PTPRD: variants seen among roughly 807,000 people sequenced by gnomAD.
PTPRD encodes the protein protein tyrosine phosphatase receptor type D.
A neutral mutation model predicts 214.5 loss-of-function variants in PTPRD; 34 were observed. That is an observed-to-expected ratio of 0.16 (90% CI 0.12 to 0.21). PTPRD has a LOEUF of 0.21. Ranked by LOEUF, PTPRD falls within the 10% of genes least tolerant of loss-of-function variation. PTPRD has a pLI of 1.00. For missense variants in PTPRD, 2,545 were observed against 2,398.7 expected (o/e 1.06, Z -1.27); for synonymous variants, 1,128 against 845.7 (o/e 1.33, Z -5.79).
Position 8,341,174 on chromosome 9 carries a change from T to C in PTPRD, c.5042A>G (p.Tyr1681Cys). The change falls in exon 41 of 46, where the codon TAT becomes TGT. Residue 1681 changes from tyrosine (Y) to cysteine (C), a missense_variant. By Grantham distance (194) the Tyr-to-Cys change is radical. Transcript: ENST00000381196. ...CTGCAGGCATACCCTTGTGGATTCA[T>C]ATGGCATAATATTAACAAGGCGATT... ...FKNRLVNIMP[Y>C]ESTRVCLQPI... 1 of 1,613,222 alleles carries C rather than the reference T, an allele frequency of 6.2e-7. No individual in the cohort carries two copies. The highest frequency in any genetic ancestry group is 8.5e-7 in the Non-Finnish European group (1 of 1,179,498).
At chr9:9,302,525 C>G (rs939072787) in intron 9 of PTPRD, among the ~76,000 whole-genome samples, 2 of 151,434 alleles carry the variant, frequency 1.3e-5, no homozygotes, top group South Asian at 4.1e-4. Flanking sequence ...TTCCATGTTC[C>G]GCCTTCCCCA....
chr9:10,321,111 G>A (rs144206242), intron 3 of PTPRD, among the ~76,000 whole-genome samples: 10 of 152,070 alleles, frequency 6.6e-5, no homozygotes, highest in African/African-American at 2.4e-4. Context: ...TTCTCATGCA[G>A]CTTTAGTAAT....
At position 9,696,304 on chromosome 9, in the gene PTPRD, ATTAG is replaced by A. The variant is rs563492794; in HGVS notation, c.-287+38225_-287+38228del. 3.1e-3 allele frequency among the ~76,000 whole-genome samples: 471 copies of A among 152,292 alleles called. 4 individuals are homozygous for A. Among genetic ancestry groups the A allele is most frequent in the Non-Finnish European group, 3.7e-3 (255 of 68,006 alleles). On this transcript the variant is annotated intron_variant, in intron 7 of 45. Coordinates refer to ENST00000381196, the MANE Select transcript of PTPRD (RefSeq NM_002839.4). ...CAATTGGATGAAATGTTCTACAAAT[ATTAG>A]TTAGGCCCATTTGGTCTAGTGTTTA...
chr9:9,529,598 A>G (rs928923287), intron 8 of PTPRD, among the ~76,000 whole-genome samples: 2 of 152,100 alleles, frequency 1.3e-5, no homozygotes. Context: ...AGGACTACAT[A>G]CTCATTAAAA....
intron 9 of PTPRD, among the ~76,000 whole-genome samples, chr9:9,203,317 A>G (rs2099942976): frequency 6.6e-6 from 1 of 152,084 alleles, no homozygotes; most frequent in African/African-American, 2.4e-5. Context: ...TAGGTGATGG[A>G]GTCAGGGCCA....
chr9:9,897,560 T>C (rs989165213), intron 5 of PTPRD, among the ~76,000 whole-genome samples: 10 of 152,204 alleles, frequency 6.6e-5, no homozygotes, highest in Non-Finnish European at 1.2e-4. Flanking sequence ...TATTTTAAAA[T>C]ACCCCCATAG....
chr9:9,321,355 C>T (rs200951038), intron 9 of PTPRD, among the ~76,000 whole-genome samples: 35 of 152,064 alleles, frequency 2.3e-4, no homozygotes, highest in Middle Eastern at 3.4e-3. Context: ...CGGGAGTTCA[C>T]GACCAGCCTG....
chr9:10,600,387 A>G (rs951717924), intron 2 of PTPRD, among the ~76,000 whole-genome samples: 3 of 151,730 alleles, frequency 2.0e-5, no homozygotes, highest in African/African-American at 7.3e-5. Flanking sequence ...AATGCGTGCC[A>G]CAAGCCCAGA....
rs980253305 is a variant in PTPRD at position 8,776,767 on chromosome 9, G to C, written c.-103-42821C>G. Reference sequence around the variant, plus strand: ...TAGAATAGGCTATTTTTTTTTTGAAGTCCTACCCTTTAAAAAATATGTATT... The same window carrying C: ...TAGAATAGGCTATTTTTTTTTTGAACTCCTACCCTTTAAAAAATATGTATT... On this transcript the variant is annotated intron_variant, in intron 11 of 45. Coordinates refer to ENST00000381196, the MANE Select transcript of PTPRD (RefSeq NM_002839.4). Among the ~76,000 whole-genome samples the C allele has an allele frequency of 1.2e-4, 18 of 147,328 alleles. No homozygotes were observed. In the Middle Eastern group the frequency reaches 0.011, roughly 88 times the overall value.
chr9:10,405,984 A>G (rs1362674161), intron 2 of PTPRD, among the ~76,000 whole-genome samples: 1 of 151,444 alleles, frequency 6.6e-6, no homozygotes, highest in South Asian at 2.1e-4. Context: ...TGAATGTTAT[A>G]AGGATTAATC....
At chr9:9,558,444 A>G (rs967944985) in intron 8 of PTPRD, among the ~76,000 whole-genome samples, 1 of 152,176 alleles carries the variant, frequency 6.6e-6, no homozygotes, top group African/African-American at 2.4e-5. Context: ...GGGCTTGGAC[A>G]CACAGGTTTG....
chr9:8,477,299 G>A (rs1212160431), intron 30 of PTPRD, among the ~76,000 whole-genome samples: 1 of 151,972 alleles, frequency 6.6e-6, no homozygotes, highest in African/African-American at 2.4e-5. Context: ...CAATATATCT[G>A]GAAAGCCCTT....
chr9:9,795,580 A>G (rs1315091507), intron 5 of PTPRD, among the ~76,000 whole-genome samples: 1 of 152,238 alleles, frequency 6.6e-6, no homozygotes, highest in Non-Finnish European at 1.5e-5. Context: ...AAGGGAGTAT[A>G]CATGCTAGAT....
chr9:9,473,680 G>A (rs975808352), intron 8 of PTPRD, among the ~76,000 whole-genome samples: 1 of 152,026 alleles, frequency 6.6e-6, no homozygotes, highest in African/African-American at 2.4e-5. Context: ...TCCAACAGGG[G>A]TGACATACTT....
intron 5 of PTPRD, among the ~76,000 whole-genome samples, chr9:9,836,385 C>G (rs2056768803): frequency 6.6e-6 from 1 of 152,100 alleles, no homozygotes. Context: ...TCTGATGGGA[C>G]TGCTGAATGG....
intron 21 of PTPRD, among the ~76,000 whole-genome samples, chr9:8,511,851 CATGTT>C (rs1264875259): frequency 3.3e-5 from 5 of 152,010 alleles, no homozygotes; most frequent in Admixed American, 2.6e-4. Flanking sequence ...CCTACTGATA[CATGTT>C]AAGTACTTGA....
intron 35 of PTPRD, among the ~76,000 whole-genome samples, chr9:8,407,742 A>G (rs1352903065): frequency 6.6e-6 from 1 of 152,132 alleles, no homozygotes; most frequent in Non-Finnish European, 1.5e-5. Context: ...TTACGTTTAT[A>G]CTCGTTTTAC....
At chr9:9,602,000 G>A (rs1442578629) in intron 7 of PTPRD, among the ~76,000 whole-genome samples, 1 of 152,052 alleles carries the variant, frequency 6.6e-6, no homozygotes, top group African/African-American at 2.4e-5. Flanking sequence ...AAGATTGGCA[G>A]ATTTGTGTGT....
chr9:10,091,360 A>G (rs1348087446), intron 3 of PTPRD, among the ~76,000 whole-genome samples: 1 of 151,520 alleles, frequency 6.6e-6, no homozygotes, highest in Non-Finnish European at 1.5e-5. Flanking sequence ...CTATATTTAA[A>G]ATACATCCCT....
Sources: gnomAD v4.1 joint callset for allele counts (sites outside exome capture counted in the v4.1 genomes callset) on GRCh38, gnomAD v4.1.1 for gene constraint, MANE v1.5 for transcripts, NCBI Gene and HGNC (gene_info 2026-07-23, HGNC 2026-07-21) for gene names.